Variants in EBF1 observed in about 807,000 individuals in gnomAD.
The protein encoded by EBF1 is transcription factor COE1.
A neutral mutation model predicts 68.4 loss-of-function variants in EBF1; 10 were observed. That is an observed-to-expected ratio of 0.15 (90% confidence interval 0.09 to 0.25). The LOEUF is 0.25. Ranked by LOEUF, EBF1 falls within the 10% of genes least tolerant of loss-of-function variation. The pLI is 1.00. For synonymous variants in EBF1, 298 were observed against 299.8 expected (o/e 0.99, Z 0.06); for missense variants, 509 against 794.4 (o/e 0.64, Z 4.32).
chr5:158,805,070 C>CT (rs1229931184), intron 8 of EBF1, among the ~76,000 whole-genome samples: 11 of 152,196 alleles, frequency 7.2e-5, no homozygotes, highest in Non-Finnish European at 5.9e-5. Context: ...TCCAATTCTC[C>CT]TTATTGTCCT....
chr5:159,084,511 CAAA>C (rs1780294951), intron 5 of EBF1, among the ~76,000 whole-genome samples, 152 bp downstream of exon 5: 1 of 149,676 alleles, frequency 6.7e-6, no homozygotes, highest in Non-Finnish European at 1.5e-5. Flanking sequence ...ACTTTACTAC[CAAA>C]TACTCACATC....
intron 11 of EBF1, among the ~76,000 whole-genome samples, chr5:158,723,268 T>C (rs1184103943): frequency 6.6e-6 from 1 of 152,180 alleles, no homozygotes; most frequent in East Asian, 1.9e-4. Context: ...TAAGACTGAT[T>C]TTGTAAATTG....
intron 6 of EBF1, among the ~76,000 whole-genome samples, chr5:158,861,875 A>G (rs1482441313): frequency 1.3e-5 from 2 of 152,072 alleles, no homozygotes; most frequent in African/African-American, 2.4e-5. Context: ...TCCAAAATTC[A>G]TAGATAAATA....
intron 6 of EBF1, among the ~76,000 whole-genome samples, chr5:158,865,103 C>A (rs1194922376): frequency 6.6e-6 from 1 of 152,130 alleles, no homozygotes; most frequent in Non-Finnish European, 1.5e-5. Context: ...AGAAACCGGC[C>A]CACCTTCTCT....
chr5:158,985,785 T>C (rs969480142), intron 6 of EBF1: 1 of 152,160 alleles, frequency 6.6e-6, no homozygotes. Flanking sequence ...GGCATCAGAG[T>C]CTAAAGTCAG....
At chr5:158,891,283 T>G (rs938979336) in intron 6 of EBF1, among the ~76,000 whole-genome samples, 12 of 152,198 alleles carry the variant, frequency 7.9e-5, no homozygotes, top group African/African-American at 2.9e-4. Context: ...GTTAGAAAAC[T>G]AAGTGCAGTG....
At position 158,969,648 on chromosome 5, in the gene EBF1, AC is replaced by A. The variant is rs1488190596; in HGVS notation, c.554+103747del. Reference sequence around the variant, plus strand: ...AAATTAGTTGAACATGGTGGCAGGCACCTGTAGTCCCAGCTACTCCAGTGGC... The same window carrying A: ...AAATTAGTTGAACATGGTGGCAGGCACTGTAGTCCCAGCTACTCCAGTGGC... On this transcript the variant is annotated intron_variant, in intron 6 of 15. Transcript: ENST00000313708. Among the ~76,000 whole-genome samples, 2 of 150,092 alleles carry A rather than the reference AC, an allele frequency of 1.3e-5. 1 individual carries two copies. Among genetic ancestry groups the A allele is most frequent in the Non-Finnish European group, 3.0e-5 (2 of 67,592 alleles).
intron 6 of EBF1, among the ~76,000 whole-genome samples, chr5:159,067,373 T>C (rs11742297): frequency 0.011 from 1,644 of 152,320 alleles, 12 homozygotes; most frequent in Non-Finnish European, 0.019. Flanking sequence ...ATGCTACACA[T>C]ACACACTACT....
intron 6 of EBF1, among the ~76,000 whole-genome samples, chr5:158,954,841 T>A (rs60599715): frequency 6.6e-6 from 1 of 152,122 alleles, no homozygotes; most frequent in African/African-American, 2.4e-5. Flanking sequence ...GCACTAATGC[T>A]TCATGTGAAT....
At chr5:159,024,131 G>A (rs1767259492) in intron 6 of EBF1, among the ~76,000 whole-genome samples, 2 of 152,114 alleles carry the variant, frequency 1.3e-5, no homozygotes, top group South Asian at 2.1e-4. Flanking sequence ...CCCAGATGCT[G>A]AGATCCTGGA....
chr5:159,047,664 T>A (rs1772693906), intron 6 of EBF1, among the ~76,000 whole-genome samples: 1 of 152,170 alleles, frequency 6.6e-6, no homozygotes, highest in African/African-American at 2.4e-5. Context: ...CCCCTTTGTG[T>A]AAAAAGACTC....
At chr5:158,791,174 C>T (rs531726125) in intron 9 of EBF1, among the ~76,000 whole-genome samples, 3 of 152,122 alleles carry the variant, frequency 2.0e-5, no homozygotes, top group Non-Finnish European at 4.4e-5. Flanking sequence ...CAAAGATTAG[C>T]TGGGTGTGGT....
intron 8 of EBF1, among the ~76,000 whole-genome samples, chr5:158,798,294 C>T (rs1779941013): frequency 6.6e-6 from 1 of 152,172 alleles, no homozygotes; most frequent in Admixed American, 6.5e-5. Context: ...CTGACTGAGT[C>T]AAACTGTGGA....
chr5:158,709,045 G>C (rs1243197295), intron 14 of EBF1, among the ~76,000 whole-genome samples: 1 of 152,130 alleles, frequency 6.6e-6, no homozygotes, highest in African/African-American at 2.4e-5. Flanking sequence ...TGATCCTCTT[G>C]GCCTGGCCTC....
intron 6 of EBF1, among the ~76,000 whole-genome samples, chr5:158,988,629 G>T (rs1051255530): frequency 3.3e-5 from 5 of 152,304 alleles, no homozygotes; most frequent in African/African-American, 1.2e-4. Flanking sequence ...GGATAGGGTT[G>T]CTATTGTATC....
chr5:158,834,077 T>C (rs1019441814), intron 7 of EBF1, among the ~76,000 whole-genome samples: 12 of 152,350 alleles, frequency 7.9e-5, no homozygotes, highest in Middle Eastern at 3.4e-3. Context: ...TGGAAATTTA[T>C]ACTTTACTTC....
At chr5:159,018,904 T>C (rs1766123160) in intron 6 of EBF1, 2 of 152,232 alleles carry the variant, frequency 1.3e-5, no homozygotes, top group East Asian at 3.8e-4. Context: ...GTCTTCTGTC[T>C]ATAAACTGAA....
At chr5:158,864,451 T>C (rs891134780) in intron 6 of EBF1, among the ~76,000 whole-genome samples, 2 of 151,952 alleles carry the variant, frequency 1.3e-5, no homozygotes, top group African/African-American at 4.8e-5. Flanking sequence ...TTGTCTAGAG[T>C]AGCTTTTCAC....
intron 6 of EBF1, among the ~76,000 whole-genome samples, chr5:158,946,009 C>T (rs995355120): frequency 3.9e-5 from 6 of 152,126 alleles, no homozygotes; most frequent in African/African-American, 1.2e-4. Context: ...GGGAAGTTCT[C>T]GTGCTGTGTT....
Sources: allele counts gnomAD v4.1 joint callset (sites outside exome capture counted in the v4.1 genomes callset), GRCh38; gene constraint gnomAD v4.1.1; transcripts MANE v1.5; gene names NCBI Gene and HGNC (gene_info 2026-07-23, HGNC 2026-07-21).